Variants in ICA1L observed in about 807,000 individuals in gnomAD.
ICA1L encodes islet cell autoantigen 1 like, also known as islet cell autoantigen 1-like protein.
In ICA1L, 50 loss-of-function variants were observed where a neutral mutation model predicts 61.3. That is an observed-to-expected ratio of 0.82 (90% CI 0.65 to 1.03). The LOEUF is 1.03. Among genes scored for constraint, ICA1L ranks in the 50% least tolerant of loss-of-function variants. The pLI is 0.00. For synonymous variants in ICA1L, 161 were observed against 191.3 expected (o/e 0.84, Z 1.31); for missense variants, 508 against 556.7 (o/e 0.91, Z 0.88).
chr2:202,802,767 T>A lies in ICA1L; in HGVS notation c.911-5803A>T, dbSNP rs575110215. Reference sequence around the variant, plus strand: ...AAATATTGGTAAATCTCAATTTTTTTAATAAAACAAGAATGATGTTCTAAT... The same window carrying A: ...AAATATTGGTAAATCTCAATTTTTTAAATAAAACAAGAATGATGTTCTAAT... On this transcript the variant is annotated intron_variant, in intron 9 of 12. Transcript: ENST00000358299. Among the ~76,000 whole-genome samples the A allele has an allele frequency of 2.0e-4, 31 of 152,186 alleles. 1 individual carries two copies. Among genetic ancestry groups the A allele is most frequent in the African/African-American group, 7.2e-4 (30 of 41,530 alleles).
At chr2:202,840,361 C>A in intron 1 of ICA1L, 1 of 487,518 alleles carries the variant, frequency 2.1e-6, no homozygotes, top group Admixed American at 2.1e-5. Flanking sequence ...AGGACTCGGA[C>A]ACCAGCTTCC....
intron 12 of ICA1L, among the ~76,000 whole-genome samples, chr2:202,785,071 TAACTG>T (rs1407748176): frequency 2.6e-5 from 4 of 151,624 alleles, no homozygotes; most frequent in African/African-American, 7.3e-5. Flanking sequence ...TACAAAAAAT[TAACTG>T]GGCATTGTGG....
intron 1 of ICA1L, among the ~76,000 whole-genome samples, chr2:202,865,376 G>A (rs1687472006): frequency 6.6e-6 from 1 of 151,466 alleles, no homozygotes; most frequent in Non-Finnish European, 1.5e-5. Flanking sequence ...GGCTGAGGCA[G>A]AAGAATAGCT....
At chr2:202,808,278 TCAC>T (rs910513414) in intron 9 of ICA1L, among the ~76,000 whole-genome samples, 2 of 152,112 alleles carry the variant, frequency 1.3e-5, no homozygotes, top group African/African-American at 4.8e-5. Flanking sequence ...ATGGCAGCAT[TCAC>T]CACAAGCTGA....
At chr2:202,860,491 C>T (rs1288535719) in intron 1 of ICA1L, among the ~76,000 whole-genome samples, 1 of 152,030 alleles carries the variant, frequency 6.6e-6, no homozygotes, top group Non-Finnish European at 1.5e-5. Flanking sequence ...CAGTGGCTCA[C>T]GCCTGTAATC....
chr2:202,786,683 C>T (rs752952289), intron 11 of ICA1L: 13 of 452,860 alleles, frequency 2.9e-5, no homozygotes, highest in South Asian at 2.0e-4. Context: ...TACCCTTGGA[C>T]TCAGTGATCC....
intron 9 of ICA1L, among the ~76,000 whole-genome samples, chr2:202,798,801 T>C (rs532112535): frequency 1.3e-5 from 2 of 152,348 alleles, no homozygotes; most frequent in Non-Finnish European, 2.9e-5. Context: ...TCCAGTCTTT[T>C]ATCTATTTTT....
chr2:202,823,827 A>C (rs1238051472), intron 3 of ICA1L, among the ~76,000 whole-genome samples: 2 of 152,238 alleles, frequency 1.3e-5, no homozygotes, highest in African/African-American at 2.4e-5. Flanking sequence ...ACTCAATTAC[A>C]TACTACTTAC....
intron 8 of ICA1L, among the ~76,000 whole-genome samples, chr2:202,813,807 T>C (rs1173213915): frequency 2.0e-5 from 3 of 152,192 alleles, no homozygotes; most frequent in African/African-American, 7.2e-5. Context: ...GCATGAAGGA[T>C]GTACACGGCA....
chr2:202,863,553 G>A (rs372701047), intron 1 of ICA1L, among the ~76,000 whole-genome samples: 3 of 152,122 alleles, frequency 2.0e-5, no homozygotes, highest in African/African-American at 2.4e-5. Flanking sequence ...GGCCGGGCGC[G>A]GTGGCTCACG....
At chr2:202,823,559 G>A (rs1326458192) in intron 3 of ICA1L, among the ~76,000 whole-genome samples, 3 of 152,114 alleles carry the variant, frequency 2.0e-5, no homozygotes, top group East Asian at 1.9e-4. Flanking sequence ...CCATAAGGTC[G>A]TTAGTAATCT....
In ICA1L at chr2:202,785,900, TA is replaced by T; in HGVS notation, c.1333+17del. The T allele has an allele frequency of 7.5e-7, 1 of 1,327,498 alleles. No homozygotes were observed. Among genetic ancestry groups the T allele is most frequent in the Non-Finnish European group, 1.1e-6 (1 of 932,390 alleles). 82.2% of individuals were successfully genotyped at this position (1,327,498 alleles called of 1,614,324 possible). ...ATTCTTAAAGCAATGATAAAGAATATATAAATAAATAACTTACATCTTGTTA... is the reference window on the plus strand; with the variant it reads ...ATTCTTAAAGCAATGATAAAGAATATTAAATAAATAACTTACATCTTGTTA... On this transcript the variant is annotated intron_variant, in intron 12 of 12. Coordinates refer to ENST00000358299, the MANE Select transcript of ICA1L (RefSeq NM_001288622.3).
At chr2:202,793,952 C>G (rs1488377314) in intron 10 of ICA1L, among the ~76,000 whole-genome samples, 1 of 149,018 alleles carries the variant, frequency 6.7e-6, no homozygotes, top group Non-Finnish European at 1.5e-5. Flanking sequence ...TGCCATTGTG[C>G]TCCAGCCGGG....
chr2:202,837,086 C>T (rs1024995375), intron 1 of ICA1L, among the ~76,000 whole-genome samples: 8 of 152,112 alleles, frequency 5.3e-5, no homozygotes, highest in African/African-American at 1.4e-4. Flanking sequence ...AAGTGATCCG[C>T]CCACCTCGGC....
rs35022962 is a variant in ICA1L, at chr2:202,856,075, G to GAAA, written c.-8+15541_-8+15543dup. Among the ~76,000 whole-genome samples, 114 of 127,476 alleles carry GAAA rather than the reference G, an allele frequency of 8.9e-4. 2 individuals are homozygous for GAAA. Among genetic ancestry groups the GAAA allele is most frequent in the African/African-American group, 3.1e-3 (102 of 33,062 alleles). The allele number at this position is 127,476 out of a possible 152,430, so 83.6% of individuals were successfully genotyped here. A position where few individuals can be genotyped will look rare whatever the true frequency, so the allele number is the denominator to read the frequency against. ...GTGACAAAGCGAGACTCCGTCTCAA[G>GAAA]AAAAAAAAAAAAAAAAGGGAAGAAA... On this transcript the variant is annotated intron_variant, in intron 1 of 12. Transcript: ENST00000358299.
intron 2 of ICA1L, among the ~76,000 whole-genome samples, chr2:202,827,102 G>T (rs1289298321): frequency 6.6e-6 from 1 of 152,180 alleles, no homozygotes; most frequent in East Asian, 1.9e-4. Context: ...GATTAGAAAA[G>T]AATGCAAAAG....
chr2:202,773,908 C>T lies in ICA1L; in HGVS notation c.*5625G>A. ...GCTAAATAAACCAGTGGAATAAGAACAGTCAACGTAGAAAGAGACAGAAAG... is the reference window on the plus strand; with the variant it reads ...GCTAAATAAACCAGTGGAATAAGAATAGTCAACGTAGAAAGAGACAGAAAG... On this transcript the variant is annotated 3_prime_UTR_variant, in exon 13 of 13. Coordinates refer to ENST00000358299, the MANE Select transcript of ICA1L (RefSeq NM_001288622.3). 1 of 1,243,350 alleles carries T rather than the reference C, an allele frequency of 8.0e-7. No homozygotes were observed. 77.0% of individuals were successfully genotyped at this position (1,243,350 alleles called of 1,614,324 possible).
intron 1 of ICA1L, among the ~76,000 whole-genome samples, chr2:202,858,746 A>G (rs536362129): frequency 6.6e-6 from 1 of 152,354 alleles, no homozygotes; most frequent in African/African-American, 2.4e-5. Context: ...TCCTTTGTTT[A>G]GATACATAAA....
intron 1 of ICA1L, among the ~76,000 whole-genome samples, chr2:202,840,178 C>T (rs1042960993): frequency 6.7e-6 from 1 of 150,296 alleles, no homozygotes. Flanking sequence ...AAGGGGGATC[C>T]CCAGGCAGTA....
Sources: allele counts gnomAD v4.1 joint callset (sites outside exome capture counted in the v4.1 genomes callset), GRCh38; gene constraint gnomAD v4.1.1; transcripts MANE v1.5; gene names NCBI Gene and HGNC (gene_info 2026-07-23, HGNC 2026-07-21).